The following SIPA1L2 variants were observed in gnomAD, a reference collection of about 807,000 sequenced individuals.
SIPA1L2 encodes the protein signal-induced proliferation-associated 1-like protein 2.
A neutral mutation model predicts 163.9 loss-of-function variants in SIPA1L2; 56 were observed. The ratio of observed to expected loss-of-function variants is 0.34; its 90% CI spans 0.28 to 0.43. The LOEUF (loss-of-function observed/expected upper bound fraction) is 0.43, where lower values mean the gene tolerates loss of function less well. Ranked by LOEUF, SIPA1L2 falls within the 20% of genes least tolerant of loss-of-function variation. The probability of loss-of-function intolerance (pLI) is 1.00; values close to 1 mark genes in which losing one functional copy is unlikely to be tolerated. For synonymous variants in SIPA1L2, 877 were observed against 865.7 expected, an observed-to-expected ratio of 1.01 and a Z score of -0.23; for missense variants, 1,974 against 2,193.5, an observed-to-expected ratio of 0.90 and a Z score of 2.00.
chr1:232,566,240 A>G (rs1573094034), intron 2 of SIPA1L2, among the ~76,000 whole-genome samples: 1 of 152,334 alleles, frequency 6.6e-6, no homozygotes, highest in South Asian at 2.1e-4. Flanking sequence ...ATTGCTCATT[A>G]CCTCAGAAAG....
intron 1 of SIPA1L2, among the ~76,000 whole-genome samples, chr1:232,587,318 G>T (rs1451614186): frequency 4.6e-5 from 7 of 151,754 alleles, no homozygotes. Flanking sequence ...GGCCCCACAC[G>T]TCTATCACCA....
intron 5 of SIPA1L2, among the ~76,000 whole-genome samples, chr1:232,485,839 C>T (rs1665619078): frequency 6.6e-6 from 1 of 152,144 alleles, no homozygotes; most frequent in South Asian, 2.1e-4. Flanking sequence ...ACCGTTAATA[C>T]CGAAGAATAC....
rs1291068241 is a variant in SIPA1L2 at position 232,515,344 on chromosome 1, A to G, written c.-5T>C. The G allele has an allele frequency of 7.0e-6, 11 of 1,570,230 alleles. No individual in the cohort carries two copies. In the South Asian group the frequency reaches 1.3e-4, roughly 19 times the overall value. On this transcript the variant is annotated 5_prime_UTR_variant, in exon 3 of 23. Coordinates refer to ENST00000674635, the MANE Select transcript of SIPA1L2 (RefSeq NM_020808.5). ...TGACTGCCTTGGGTCACTCATGTCT[A>G]CCGAGGAAGAGCCTCCAAGTCTCAC...
intron 2 of SIPA1L2, among the ~76,000 whole-genome samples, chr1:232,516,326 C>G (rs1371103337): frequency 6.6e-6 from 1 of 152,134 alleles, no homozygotes; most frequent in Non-Finnish European, 1.5e-5. Flanking sequence ...AAGCTGTTTT[C>G]TTGTACCTCA....
intron 15 of SIPA1L2, 32 bp downstream of exon 15, chr1:232,439,076 C>G (rs200071233): frequency 3.5e-5 from 55 of 1,554,028 alleles, no homozygotes; most frequent in Non-Finnish European, 4.0e-5. Flanking sequence ...GTGGCACCAG[C>G]AGGTACTACT....
At position 232,603,943 on chromosome 1, in the gene SIPA1L2, G is replaced by A. The variant is rs533327857; in HGVS notation, c.-319+25926C>T. On this transcript the variant is annotated intron_variant, in intron 1 of 22. Coordinates refer to ENST00000674635, the MANE Select transcript of SIPA1L2 (RefSeq NM_020808.5). ...AGACCTTCTGAAATACAGAAGTGAA[G>A]CGAGCAGGGAATTTCACAGAAGTGG... Among the ~76,000 whole-genome samples the A allele has an allele frequency of 1.2e-3, 181 of 152,230 alleles. 1 individual carries two copies. The highest frequency in any genetic ancestry group is 4.2e-3 in the African/African-American group (174 of 41,540).
intron 1 of SIPA1L2, among the ~76,000 whole-genome samples, chr1:232,580,956 T>C (rs1660339879): frequency 6.6e-6 from 1 of 152,180 alleles, no homozygotes; most frequent in Non-Finnish European, 1.5e-5. Context: ...CTCTCCTTTG[T>C]GCCCTCACAG....
chr1:232,410,609 A>G (rs1038687075), intron 19 of SIPA1L2, among the ~76,000 whole-genome samples: 1 of 152,070 alleles, frequency 6.6e-6, no homozygotes, highest in African/African-American at 2.4e-5. Flanking sequence ...AATTAACTGT[A>G]AACTTATTAT....
chr1:232,503,196 CA>C (rs1361228179), intron 3 of SIPA1L2, among the ~76,000 whole-genome samples: 1 of 152,084 alleles, frequency 6.6e-6, no homozygotes, highest in Non-Finnish European at 1.5e-5. Flanking sequence ...AATGAAAATC[CA>C]CCTATCATGC....
chr1:232,424,914 T>A (rs933576295), intron 18 of SIPA1L2, among the ~76,000 whole-genome samples: 1 of 152,106 alleles, frequency 6.6e-6, no homozygotes, highest in Non-Finnish European at 1.5e-5. Context: ...GAAATAAGGC[T>A]AACATAAAAA....
chr1:232,465,860 A>G lies in SIPA1L2; in HGVS notation c.2244-444T>C, dbSNP rs1433502385. ...AGAAAATTTGGGCTTACAAAGAGACACCAGGGATGTATGCACACAGAAAGA... is the reference window on the plus strand; with the variant it reads ...AGAAAATTTGGGCTTACAAAGAGACGCCAGGGATGTATGCACACAGAAAGA... On this transcript the variant is annotated intron_variant, in intron 8 of 22. Coordinates refer to ENST00000674635, the MANE Select transcript of SIPA1L2 (RefSeq NM_020808.5). The surrounding 1 kb of genome is among the most constrained non-coding windows in gnomAD (Gnocchi z 4.1). Among the ~76,000 whole-genome samples the G allele has an allele frequency of 6.6e-6, 1 of 151,800 alleles. No homozygotes were observed. The highest frequency in any genetic ancestry group is 1.5e-5 in the Non-Finnish European group (1 of 67,974).
At chr1:232,629,739 C>T (rs1663282351) in intron 1 of SIPA1L2, among the ~76,000 whole-genome samples, 130 bp downstream of exon 1, 2 of 152,002 alleles carry the variant, frequency 1.3e-5, no homozygotes, top group Non-Finnish European at 2.9e-5. Context: ...CCCCTCGCAC[C>T]CCTCGCCGCC....
intron 10 of SIPA1L2, among the ~76,000 whole-genome samples, chr1:232,454,833 T>G (rs578147118): frequency 1.5e-4 from 23 of 152,330 alleles, no homozygotes; most frequent in African/African-American, 5.3e-4. Context: ...TATTAAGTAG[T>G]AAGTTGTTGC....
intron 1 of SIPA1L2, among the ~76,000 whole-genome samples, chr1:232,598,381 A>G (rs1426688657): frequency 6.6e-6 from 1 of 152,202 alleles, no homozygotes; most frequent in East Asian, 1.9e-4. Flanking sequence ...AATGTACTCC[A>G]GCTGAGTGAC....
intron 2 of SIPA1L2, among the ~76,000 whole-genome samples, chr1:232,541,527 C>T (rs1657679066): frequency 6.6e-6 from 1 of 152,156 alleles, no homozygotes; most frequent in African/African-American, 2.4e-5. Context: ...CCAAAAACTC[C>T]AGGTTCACTG....
rs140237317 is a variant in SIPA1L2, at chr1:232,450,393, A to G, written c.3096-4607T>C. 1.6e-3 allele frequency among the ~76,000 whole-genome samples: 242 copies of G among 152,360 alleles called. 1 individual carries two copies. Among genetic ancestry groups the G allele is most frequent in the African/African-American group, 4.0e-3 (167 of 41,588 alleles). ...GGCTACTGATTCATCCCCATAGCCAAAGACCTAATCAGAAATCAAGGGTCA... is the reference window on the plus strand; with the variant it reads ...GGCTACTGATTCATCCCCATAGCCAGAGACCTAATCAGAAATCAAGGGTCA... On this transcript the variant is annotated intron_variant, in intron 10 of 22. Transcript: ENST00000674635.
intron 1 of SIPA1L2, among the ~76,000 whole-genome samples, chr1:232,575,944 T>C (rs1660054090): frequency 6.6e-6 from 1 of 152,218 alleles, no homozygotes; most frequent in African/African-American, 2.4e-5. Context: ...TACTGTATGA[T>C]TCCATTTATA....
intron 15 of SIPA1L2, among the ~76,000 whole-genome samples, chr1:232,434,108 A>C (rs1662410379): frequency 6.6e-6 from 1 of 152,228 alleles, no homozygotes; most frequent in Non-Finnish European, 1.5e-5. Context: ...AGTTTAACAC[A>C]GGGTTCCCGC....
At chr1:232,585,054 A>T (rs1242717412) in intron 1 of SIPA1L2, among the ~76,000 whole-genome samples, 2 of 152,222 alleles carry the variant, frequency 1.3e-5, no homozygotes, top group Non-Finnish European at 2.9e-5. Context: ...TATCTCCTCA[A>T]TTGGGGTAGA....
Sources: allele counts gnomAD v4.1 joint callset (sites outside exome capture counted in the v4.1 genomes callset), GRCh38; gene constraint gnomAD v4.1.1; non-coding constraint Gnocchi (gnomAD v3.1); transcripts MANE v1.5; gene names NCBI Gene and HGNC (gene_info 2026-07-23, HGNC 2026-07-21).